The following RSRC2 variants were observed in gnomAD, a reference collection of about 807,000 sequenced individuals.
RSRC2 encodes the protein arginine/serine-rich coiled-coil protein 2.
A neutral mutation model predicts 61.3 loss-of-function variants in RSRC2; 5 were observed. The ratio of observed to expected loss-of-function variants is 0.08; its 90% CI spans 0.04 to 0.17. The LOEUF (loss-of-function observed/expected upper bound fraction) is 0.17. Ranked by LOEUF, RSRC2 falls within the 10% of genes least tolerant of loss-of-function variation. The pLI, the probability that RSRC2 is intolerant of heterozygous loss-of-function variation, is 1.00. For missense variants in RSRC2, 381 were observed against 518.8 expected (o/e 0.73, Z 2.58); for synonymous variants, 202 against 166.5 (o/e 1.21, Z -1.64).
chr12:122,521,075 G>A, intron 3 of RSRC2: 2 of 287,942 alleles, frequency 6.9e-6, no homozygotes, highest in South Asian at 1.1e-4. Flanking sequence ...CAGGCACCAG[G>A]AGACTCGGGA....
intron 6 of RSRC2, among the ~76,000 whole-genome samples, chr12:122,513,263 A>G (rs979613292): frequency 6.7e-6 from 1 of 150,032 alleles, no homozygotes; most frequent in Admixed American, 6.6e-5. Flanking sequence ...ATAAAAATAA[A>G]AAATAAAAAA....
intron 1 of RSRC2, among the ~76,000 whole-genome samples, chr12:122,525,431 T>C (rs1241628356): frequency 6.6e-6 from 1 of 152,072 alleles, no homozygotes; most frequent in African/African-American, 2.4e-5. Context: ...TCTTTAAGTA[T>C]ACTGAGGCCC....
intron 2 of RSRC2, 92 bp downstream of exon 2, chr12:122,522,051 C>A (rs1352642156): frequency 1.5e-6 from 2 of 1,324,248 alleles, no homozygotes; most frequent in Admixed American, 2.3e-5. Context: ...CCATGCCCAG[C>A]CAACAAACTA....
rs1355971881 is a variant in RSRC2 at position 122,513,156 on chromosome 12, C to T, written c.725+1949G>A. ...GTTGCAGTGAGCCAAGATCATGCTC[C>T]TGCACTCCAGCCTGGGCAACAGAGC... On this transcript the variant is annotated intron_variant, in intron 6 of 9. Coordinates refer to ENST00000331738, the MANE Select transcript of RSRC2 (RefSeq NM_023012.6). Among the ~76,000 whole-genome samples, 6 of 150,958 alleles carry T rather than the reference C, an allele frequency of 4.0e-5. No homozygotes were observed. The South Asian group carries it at 1.2e-3, about 31-fold the overall frequency.
At position 122,503,864 on chromosome 12, in the gene RSRC2, C is replaced by T. The variant is rs1418918355; in HGVS notation, c.*1663G>A. On this transcript the variant is annotated 3_prime_UTR_variant, in exon 10 of 10. Coordinates refer to ENST00000331738, the MANE Select transcript of RSRC2 (RefSeq NM_023012.6). ...TGGGAGCCCTGAGGTGGGAGGATTG[C>T]TTGAGGCCAGGAATTCAAGACCAAC... 3.9e-5 allele frequency: 6 copies of T among 152,276 alleles called. No individual in the cohort carries two copies. In the East Asian group the frequency reaches 1.2e-3, roughly 29 times the overall value. 9.4% of individuals were successfully genotyped at this position (152,276 alleles called of 1,614,324 possible). A position where few individuals can be genotyped will look rare whatever the true frequency, so the allele number is the denominator to read the frequency against.
intron 1 of RSRC2, among the ~76,000 whole-genome samples, chr12:122,524,323 A>C (rs769137652): frequency 3.3e-5 from 5 of 152,094 alleles, no homozygotes; most frequent in Non-Finnish European, 7.4e-5. Flanking sequence ...TGTACAGCTT[A>C]CACTTGGTAA....
chr12:122,513,685 A>C (rs1298732141), intron 6 of RSRC2: 1 of 472,922 alleles, frequency 2.1e-6, no homozygotes, highest in African/African-American at 2.1e-5. Flanking sequence ...GTGTGACTAC[A>C]ACTGGTTGCA....
At chr12:122,523,653 T>C (rs1959591935) in intron 1 of RSRC2, 1 of 152,258 alleles carries the variant, frequency 6.6e-6, no homozygotes, top group South Asian at 2.1e-4. Flanking sequence ...GGAATCACAT[T>C]AGAGAACTTC....
intron 3 of RSRC2, chr12:122,520,717 T>C: frequency 4.3e-6 from 2 of 465,778 alleles, no homozygotes; most frequent in Middle Eastern, 7.3e-4. Context: ...ACTCTTGTTT[T>C]AGGAGTCCCT....
Position 122,505,224 on chromosome 12 carries a change from G to A in RSRC2, c.*303C>T, listed in dbSNP as rs781737893. 12 of 252,970 alleles carry A rather than the reference G, an allele frequency of 4.7e-5. No individual in the cohort carries two copies. The highest frequency in any genetic ancestry group is 7.8e-5 in the East Asian group (1 of 12,842). 15.7% of individuals were successfully genotyped at this position (252,970 alleles called of 1,614,324 possible). On this transcript the variant is annotated 3_prime_UTR_variant, in exon 10 of 10. Coordinates refer to ENST00000331738, the MANE Select transcript of RSRC2 (RefSeq NM_023012.6). Reference sequence around the variant, plus strand: ...CAAAAGTACACAAGACAGCGGACACGAAAAAATCCATGTATGAGATTTTAT... The same window carrying A: ...CAAAAGTACACAAGACAGCGGACACAAAAAAATCCATGTATGAGATTTTAT...
chr12:122,506,963 A>C, intron 8 of RSRC2, 40 bp from the exon 9 acceptor site: 2 of 1,158,940 alleles, frequency 1.7e-6, no homozygotes, highest in Non-Finnish European at 2.6e-6. Flanking sequence ...GTAAAATTTA[A>C]ATATTTTTTA....
intron 1 of RSRC2, 112 bp downstream of exon 1, chr12:122,526,736 G>A: frequency 8.0e-7 from 1 of 1,255,832 alleles, no homozygotes; most frequent in Middle Eastern, 1.9e-4. Context: ...GAAGGCCGCG[G>A]CGCCATTTTG....
intron 7 of RSRC2, among the ~76,000 whole-genome samples, chr12:122,510,307 G>A (rs540755367): frequency 5.3e-4 from 80 of 152,176 alleles, no homozygotes; most frequent in African/African-American, 1.9e-3. Flanking sequence ...CAAGAAGGAC[G>A]ATCACCAGGT....
intron 3 of RSRC2, 165 bp downstream of exon 3, chr12:122,521,220 C>T: frequency 2.0e-6 from 1 of 492,616 alleles, no homozygotes. Context: ...TAAACATCTT[C>T]TTCAAAAATG....
Position 122,504,670 on chromosome 12 carries a change from T to C in RSRC2, c.*857A>G, listed in dbSNP as rs1017181587. On this transcript the variant is annotated 3_prime_UTR_variant, in exon 10 of 10. Coordinates refer to ENST00000331738, the MANE Select transcript of RSRC2 (RefSeq NM_023012.6). ...AAATTTCTAATATTTTAATATTTTATAGTCTATGCTGGAGAAGACTTCAAA... is the reference window on the plus strand; with the variant it reads ...AAATTTCTAATATTTTAATATTTTACAGTCTATGCTGGAGAAGACTTCAAA... 13 of 152,744 alleles carry C rather than the reference T, an allele frequency of 8.5e-5. No homozygotes were observed. The highest frequency in any genetic ancestry group is 2.6e-4 in the African/African-American group (11 of 41,566). The allele number at this position is 152,744 out of a possible 1,614,324, so 9.5% of individuals were successfully genotyped here. A position where few individuals can be genotyped will look rare whatever the true frequency, so the allele number is the denominator to read the frequency against.
At position 122,522,259 on chromosome 12, in the gene RSRC2, G is replaced by A. The variant is rs368092892; in HGVS notation, c.47C>T (p.Thr16Ile). 151 of 1,613,550 alleles carry A rather than the reference G, an allele frequency of 9.4e-5. 2 individuals carry two copies. Among genetic ancestry groups the A allele is most frequent in the Non-Finnish European group, 6.3e-5 (74 of 1,179,834 alleles). Residue 16 changes from threonine to isoleucine, a missense_variant, in exon 2 of 10, where the codon ACA (threonine) becomes ATA (isoleucine). Around this residue, in one of 4 missense-constraint regions of RSRC2, gnomAD observed 266 missense variants for 270.5 expected, o/e 0.98. Transcript: ENST00000331738. ...TTTTTTCTTATCTCTATCTGGTGAT[G>A]TCTTTTCTGGGGCTAGTCCATCTCG... ...TERDGLAPEK[T>I]SPDRDKKKEQ...
chr12:122,523,883 A>T (rs1959635400), intron 1 of RSRC2: 1 of 152,200 alleles, frequency 6.6e-6, no homozygotes, highest in Admixed American at 6.5e-5. Flanking sequence ...ATAAAATGAT[A>T]AATTAAAAAC....
At chr12:122,522,541 A>T in intron 1 of RSRC2, 5 of 314,336 alleles carry the variant, frequency 1.6e-5, no homozygotes, top group African/African-American at 2.2e-5. Context: ...TCTAACGATG[A>T]TTTGTATAAC....
Position 122,522,186 on chromosome 12 carries a change from A to G in RSRC2, c.120T>C (p.Tyr40=), listed in dbSNP as rs1959304993. Residue 40 remains tyrosine, a synonymous_variant, in exon 2 of 10, where the codon TAT becomes TAC. Coordinates refer to ENST00000331738, the MANE Select transcript of RSRC2 (RefSeq NM_023012.6). ...CTCTTGACCTTGATCGTGATCTTGA[A>G]TAATGATGTTTTGAAGCTCTAGGAG... ...SVSPRASKHH[Y]SRSRSRSRER... is the part of the protein sequence containing the mutation. The G allele has an allele frequency of 3.1e-6, 5 of 1,613,794 alleles. No individual in the cohort carries two copies. The highest frequency in any genetic ancestry group is 4.2e-6 in the Non-Finnish European group (5 of 1,179,980).
Sources: gnomAD v4.1 joint callset for allele counts (sites outside exome capture counted in the v4.1 genomes callset) on GRCh38, gnomAD v4.1.1 for gene constraint, gnomAD v4.1.1 regional missense constraint, MANE v1.5 for transcripts, NCBI Gene and HGNC (gene_info 2026-07-23, HGNC 2026-07-21) for gene names.